CD200R1: variants seen among roughly 807,000 people sequenced by gnomAD.
CD200R1 encodes CD200 receptor 1.
Under a neutral mutation model 38.1 loss-of-function variants are expected in CD200R1, and 30 were observed. That is an observed-to-expected ratio of 0.79 (90% CI 0.59 to 1.07). The LOEUF is 1.07. Ranked by LOEUF, CD200R1 falls within the 50% of genes least tolerant of loss-of-function variation. The pLI, the probability that CD200R1 is intolerant of heterozygous loss-of-function variation, is 0.00. For synonymous variants in CD200R1, 128 were observed against 152.1 expected, an observed-to-expected ratio of 0.84 and a Z score of 1.16; for missense variants, 372 against 415.4, an observed-to-expected ratio of 0.90 and a Z score of 0.91.
In CD200R1 at chr3:112,947,854, A is replaced by G; in HGVS notation, c.136+2T>C. 6.3e-7 allele frequency: 1 copy of G among 1,599,940 alleles called. No homozygotes were observed. Among genetic ancestry groups the G allele is most frequent in the South Asian group, 1.1e-5 (1 of 90,784 alleles). ...GAATTATTGTTAAAAGATGCACATTACCTAAAGCATGATTCTCCTTGCTAG... is the reference window on the plus strand; with the variant it reads ...GAATTATTGTTAAAAGATGCACATTGCCTAAAGCATGATTCTCCTTGCTAG... On this transcript the variant is annotated splice_donor_variant, in intron 2 of 7. Transcript: ENST00000308611. LOFTEE classifies it high-confidence loss of function.
At chr3:112,946,950 T>TAAA (rs11393196) in intron 2 of CD200R1, among the ~76,000 whole-genome samples, 11 of 150,356 alleles carry the variant, frequency 7.3e-5, no homozygotes, top group African/African-American at 2.2e-4. Flanking sequence ...TATTCAGTAC[T>TAAA]AAAAAAAAAG....
At chr3:112,961,148 T>C (rs1302298616) in intron 1 of CD200R1, among the ~76,000 whole-genome samples, 1 of 152,000 alleles carries the variant, frequency 6.6e-6, no homozygotes, top group Non-Finnish European at 1.5e-5. Flanking sequence ...GTGACTAATA[T>C]TTTGGCCCTT....
Position 112,923,624 on chromosome 3 carries a change from T to G in CD200R1, c.*53A>C, listed in dbSNP as rs1243383690. ...CTAGAACTGTAAGAAAATCAGACAG[T>G]AATTATAATGTATCTCGTTTGTTGT... On this transcript the variant is annotated 3_prime_UTR_variant, in exon 8 of 8. Coordinates refer to ENST00000308611, the MANE Select transcript of CD200R1 (RefSeq NM_138806.4). The G allele has an allele frequency of 1.1e-6, 1 of 897,612 alleles. No homozygotes were observed. Among genetic ancestry groups the G allele is most frequent in the Non-Finnish European group, 1.8e-6 (1 of 561,448 alleles). The allele number at this position is 897,612 out of a possible 1,614,324, so 55.6% of individuals were successfully genotyped here.
In CD200R1 at chr3:112,974,982, ACAGTG is replaced by A; in HGVS notation, c.-130_-126del. On this transcript the variant is annotated 5_prime_UTR_variant, in exon 1 of 8. Coordinates refer to ENST00000308611, the MANE Select transcript of CD200R1 (RefSeq NM_138806.4). ...AGTACAGGATCCTCTTACCCCATCA[ACAGTG>A]GGGCACTCCCTTCCTTCTAGCCCCT... 1.4e-6 allele frequency: 1 copy of A among 708,998 alleles called. No individual in the cohort carries two copies. The highest frequency in any genetic ancestry group is 2.2e-5 in the Admixed American group (1 of 45,714). The allele number at this position is 708,998 out of a possible 1,614,324, so 43.9% of individuals were successfully genotyped here.
chr3:112,928,467 GA>G (rs1940331539), intron 5 of CD200R1, among the ~76,000 whole-genome samples: 2 of 152,166 alleles, frequency 1.3e-5, no homozygotes, highest in Admixed American at 6.5e-5. Context: ...AAGCAACTTT[GA>G]GTAAATGTAT....
chr3:112,929,141 C>A (rs9868053), intron 4 of CD200R1, 49 bp downstream of exon 4: 23 of 1,611,458 alleles, frequency 1.4e-5, no homozygotes, highest in East Asian at 8.9e-5. Context: ...CATTTGTTTC[C>A]GTCACAAATC....
chr3:112,921,943 C>T lies in CD200R1; in HGVS notation c.*1734G>A, dbSNP rs1377126725. 1 of 151,960 alleles carries T rather than the reference C, an allele frequency of 6.6e-6. No individual in the cohort carries two copies. Among genetic ancestry groups the T allele is most frequent in the Non-Finnish European group, 1.5e-5 (1 of 67,926 alleles). The allele number at this position is 151,960 out of a possible 1,614,324, so 9.4% of individuals were successfully genotyped here. ...ACCTAACTATGAGCCTCAGCTCAAC[C>T]AGGGTTGGATGAAGAATTAATAAAT... On this transcript the variant is annotated 3_prime_UTR_variant, in exon 8 of 8. Transcript: ENST00000308611.
intron 2 of CD200R1, among the ~76,000 whole-genome samples, chr3:112,932,966 C>T (rs1940485251): frequency 6.6e-6 from 1 of 152,084 alleles, no homozygotes; most frequent in Non-Finnish European, 1.5e-5. Flanking sequence ...ATGATTATGT[C>T]CTGGGCCTGA....
intron 1 of CD200R1, among the ~76,000 whole-genome samples, chr3:112,957,776 G>A (rs890036961): frequency 3.3e-5 from 5 of 152,110 alleles, no homozygotes; most frequent in Non-Finnish European, 7.4e-5. Context: ...TGTAAAGAAC[G>A]GTTACAATTC....
At chr3:112,934,136 T>C (rs771901692) in intron 2 of CD200R1, among the ~76,000 whole-genome samples, 16 of 152,044 alleles carry the variant, frequency 1.1e-4, no homozygotes, top group Non-Finnish European at 2.4e-4. Context: ...AAGTTCAAAA[T>C]TTCCCAAATA....
intron 2 of CD200R1, among the ~76,000 whole-genome samples, chr3:112,934,679 A>C (rs2107310540): frequency 6.6e-6 from 1 of 152,166 alleles, no homozygotes; most frequent in South Asian, 2.1e-4. Flanking sequence ...AAAATACAAA[A>C]ATTAGCTGGA....
At chr3:112,950,415 A>G (rs1940950850) in intron 1 of CD200R1, among the ~76,000 whole-genome samples, 1 of 151,532 alleles carries the variant, frequency 6.6e-6, no homozygotes, top group Non-Finnish European at 1.5e-5. Flanking sequence ...AAAAAAAAAA[A>G]GGAAAAAAAA....
At chr3:112,932,157 T>TGCA (rs1940458506) in intron 2 of CD200R1, among the ~76,000 whole-genome samples, 2 of 152,124 alleles carry the variant, frequency 1.3e-5, no homozygotes, top group Non-Finnish European at 1.5e-5. Flanking sequence ...GCCAAGCTGC[T>TGCA]GCAGCAAGGG....
In CD200R1 at chr3:112,922,926, C is replaced by G. The variant is rs891850883; in HGVS notation, c.*751G>C. Reference sequence around the variant, plus strand: ...GCACAAACCCTTTGACCTGACAATTCCACTCAAGAAAGTTATCCTACAGAT... The same window carrying G: ...GCACAAACCCTTTGACCTGACAATTGCACTCAAGAAAGTTATCCTACAGAT... On this transcript the variant is annotated 3_prime_UTR_variant, in exon 8 of 8. Coordinates refer to ENST00000308611, the MANE Select transcript of CD200R1 (RefSeq NM_138806.4). 6.6e-6 allele frequency: 1 copy of G among 151,706 alleles called. No homozygotes were observed. The highest frequency in any genetic ancestry group is 2.4e-5 in the African/African-American group (1 of 41,372). 9.4% of individuals were successfully genotyped at this position (151,706 alleles called of 1,614,324 possible). A position where few individuals can be genotyped will look rare whatever the true frequency, so the allele number is the denominator to read the frequency against.
chr3:112,975,049 T>C lies in CD200R1; in HGVS notation c.-192A>G. ...TATGTGGTTTAGCCTGGTTAGTAACTTGGACGAACAGAAGCTTTTCTCTGG... is the reference window on the plus strand; with the variant it reads ...TATGTGGTTTAGCCTGGTTAGTAACCTGGACGAACAGAAGCTTTTCTCTGG... On this transcript the variant is annotated 5_prime_UTR_variant, in exon 1 of 8. Coordinates refer to ENST00000308611, the MANE Select transcript of CD200R1 (RefSeq NM_138806.4). The C allele has an allele frequency of 1.8e-6, 1 of 561,838 alleles. No individual in the cohort carries two copies. Among genetic ancestry groups the C allele is most frequent in the Non-Finnish European group, 3.2e-6 (1 of 313,832 alleles). 34.8% of individuals were successfully genotyped at this position (561,838 alleles called of 1,614,324 possible).
chr3:112,968,570 T>C (rs1933223703), intron 1 of CD200R1, among the ~76,000 whole-genome samples: 1 of 152,172 alleles, frequency 6.6e-6, no homozygotes, highest in Non-Finnish European at 1.5e-5. Context: ...TTTTTACCGA[T>C]GTTAGTCCCA....
intron 2 of CD200R1, among the ~76,000 whole-genome samples, chr3:112,946,011 C>A: frequency 8.5e-6 from 1 of 117,130 alleles, no homozygotes; most frequent in Admixed American, 1.2e-4. Context: ...CCAGCCTGGG[C>A]GACAAAGCGA....
chr3:112,974,222 AGACAG>A (rs1225612486), intron 1 of CD200R1, among the ~76,000 whole-genome samples: 1 of 152,150 alleles, frequency 6.6e-6, no homozygotes, highest in Non-Finnish European at 1.5e-5. Context: ...AATTGCTTGA[AGACAG>A]GAGCTCAAGA....
chr3:112,933,632 A>G (rs930805521), intron 2 of CD200R1, among the ~76,000 whole-genome samples: 1 of 152,188 alleles, frequency 6.6e-6, no homozygotes, highest in Non-Finnish European at 1.5e-5. Flanking sequence ...CTCCAGTAAC[A>G]TAACCAATTA....
Sources: gnomAD v4.1 joint callset for allele counts (sites outside exome capture counted in the v4.1 genomes callset) on GRCh38, gnomAD v4.1.1 for gene constraint, MANE v1.5 for transcripts, NCBI Gene and HGNC (gene_info 2026-07-23, HGNC 2026-07-21) for gene names.